The following TANC1 variants were observed in gnomAD, a reference collection of about 807,000 sequenced individuals.
The protein encoded by TANC1 is protein TANC1.
A neutral mutation model predicts 149.7 loss-of-function variants in TANC1; 77 were observed. The observed-to-expected ratio is 0.51, with a 90% CI of 0.43 to 0.62. TANC1 has a LOEUF of 0.62. TANC1 is among the 20% of genes least tolerant of loss of function. The probability of loss-of-function intolerance (pLI) is 0.00; values close to 1 mark genes in which losing one functional copy is unlikely to be tolerated. For synonymous variants in TANC1, 854 were observed against 925.0 expected (o/e 0.92, Z 1.39); for missense variants, 1,985 against 2,321.8 (o/e 0.85, Z 2.98).
intron 2 of TANC1, among the ~76,000 whole-genome samples, chr2:159,023,676 C>G (rs1006088915): frequency 1.2e-4 from 18 of 151,880 alleles, no homozygotes; most frequent in African/African-American, 4.1e-4. Context: ...TAGAAATTGT[C>G]AAAAATAAGG....
In TANC1 at chr2:159,065,951, A is replaced by AGG. The variant is rs1213327282; in HGVS notation, c.43_44dup (p.Gly16GlufsTer28). 6.2e-7 allele frequency: 1 copy of AGG among 1,613,848 alleles called. No individual in the cohort carries two copies. The highest frequency in any genetic ancestry group is 1.1e-5 in the South Asian group (1 of 91,080). On this transcript the variant is annotated frameshift_variant, in exon 3 of 27. Coordinates refer to ENST00000263635, the MANE Select transcript of TANC1 (RefSeq NM_033394.3). LOFTEE classifies it high-confidence loss of function. ...CTGAAGAAGAGCCGAGAGGGAGGAA[A>AGG]GGGAGGCAAGAAGGAAGCAGGTATG...
chr2:159,121,060 A>T (rs2048800392), intron 4 of TANC1, among the ~76,000 whole-genome samples: 1 of 152,224 alleles, frequency 6.6e-6, no homozygotes, highest in Admixed American at 6.5e-5. Context: ...TTATCAGTTT[A>T]CCACACCTTC....
chr2:159,033,088 A>G (rs1326644131), intron 2 of TANC1, among the ~76,000 whole-genome samples: 2 of 152,214 alleles, frequency 1.3e-5, no homozygotes, highest in African/African-American at 2.4e-5. Flanking sequence ...TGAGCCCTGC[A>G]AAAGGTTCAG....
intron 8 of TANC1, among the ~76,000 whole-genome samples, chr2:159,164,156 G>T (rs1156248370): frequency 1.3e-5 from 2 of 152,088 alleles, no homozygotes; most frequent in Non-Finnish European, 2.9e-5. Flanking sequence ...TCAGTAGTCA[G>T]ACTGGTCACC....
intron 2 of TANC1, among the ~76,000 whole-genome samples, chr2:159,006,138 A>T (rs2149350732): frequency 6.6e-6 from 1 of 152,078 alleles, no homozygotes; most frequent in South Asian, 2.1e-4. Flanking sequence ...CTCTACTGAA[A>T]ATACAAAAAT....
intron 1 of TANC1, among the ~76,000 whole-genome samples, chr2:158,992,474 G>C (rs746675838): frequency 2.6e-5 from 4 of 151,790 alleles, no homozygotes; most frequent in African/African-American, 9.7e-5. Flanking sequence ...TGTAGCTAAG[G>C]TATACATGTA....
chr2:158,971,211 G>A (rs948299464), intron 1 of TANC1, among the ~76,000 whole-genome samples: 8 of 152,028 alleles, frequency 5.3e-5, no homozygotes, highest in African/African-American at 1.9e-4. Context: ...TTATTTCTCT[G>A]GGAACATTAA....
intron 2 of TANC1, among the ~76,000 whole-genome samples, chr2:159,027,914 G>A (rs1338338155): frequency 5.9e-5 from 9 of 152,064 alleles, no homozygotes; most frequent in Admixed American, 1.3e-4. Context: ...AAGGTATCAC[G>A]CAGCGAGAGG....
At chr2:159,166,898 A>G (rs566918059) in intron 8 of TANC1, among the ~76,000 whole-genome samples, 1 of 152,328 alleles carries the variant, frequency 6.6e-6, no homozygotes, top group South Asian at 2.1e-4. Context: ...AGAATCAGCC[A>G]AGAGCTGTGG....
chr2:159,160,052 T>A (rs1167311181), intron 7 of TANC1, among the ~76,000 whole-genome samples: 2 of 152,158 alleles, frequency 1.3e-5, no homozygotes, highest in South Asian at 2.1e-4. Context: ...CAAAGGAAGA[T>A]AAGACACTGT....
At chr2:159,083,504 A>G (rs2149803665) in intron 3 of TANC1, among the ~76,000 whole-genome samples, 1 of 152,296 alleles carries the variant, frequency 6.6e-6, no homozygotes, top group South Asian at 2.1e-4. Flanking sequence ...TAACAAAGGA[A>G]GAGTATTTGA....
intron 3 of TANC1, among the ~76,000 whole-genome samples, chr2:159,087,081 T>C (rs1191142336): frequency 1.3e-5 from 2 of 152,038 alleles, no homozygotes; most frequent in African/African-American, 4.8e-5. Flanking sequence ...CATCAGTTAT[T>C]GCTTTAAGGG....
At chr2:158,979,636 G>C (rs1048700837) in intron 1 of TANC1, among the ~76,000 whole-genome samples, 1 of 152,120 alleles carries the variant, frequency 6.6e-6, no homozygotes, top group South Asian at 2.1e-4. Flanking sequence ...TTTTGTTGTT[G>C]TTGTTCTTGG....
In TANC1 at chr2:159,230,113, C is replaced by G; in HGVS notation, c.4687C>G (p.Pro1563Ala). The G allele has an allele frequency of 6.2e-7, 1 of 1,613,986 alleles. No individual in the cohort carries two copies. The highest frequency in any genetic ancestry group is 8.5e-7 in the Non-Finnish European group (1 of 1,180,044). Residue 1563 changes from proline (P) to alanine (A), a missense_variant, in exon 27 of 27, where the codon CCA becomes GCA. This residue lies in a region of TANC1 where 920 missense variants were observed against 994.7 expected (regional missense o/e 0.92). Coordinates refer to ENST00000263635, the MANE Select transcript of TANC1 (RefSeq NM_033394.3). This position sits in a 1 kb window ranked among gnomAD's most constrained non-coding sequence, Gnocchi z 4.4. ...TCAGATCTCTTCTCAGAACCCTCCTCCAAGTCCCATGCCAGGGAGAATCGC... is the reference window on the plus strand; with the variant it reads ...TCAGATCTCTTCTCAGAACCCTCCTGCAAGTCCCATGCCAGGGAGAATCGC... ...KVQISSQNPP[P>A]SPMPGRIAAT...
Position 159,163,499 on chromosome 2 carries a change from C to T in TANC1, c.899C>T (p.Ser300Phe). The T allele has an allele frequency of 6.2e-7, 1 of 1,613,422 alleles. No individual in the cohort carries two copies. Among genetic ancestry groups the T allele is most frequent in the East Asian group, 2.2e-5 (1 of 44,890 alleles). Residue 300 changes from serine (S) to phenylalanine (F), a missense_variant, in exon 8 of 27, where the codon TCT becomes TTT. Physicochemically the swap from Ser to Phe is radical, Grantham distance 155. Around this residue, in one of 3 missense-constraint regions of TANC1, gnomAD observed 557 missense variants for 612.9 expected, o/e 0.91. Transcript: ENST00000263635. ...GCTGGAGATGGTCCAGTCCCTTATT[C>T]TCAGGGCTCCAGCTCACTAATAATG... ...SSAGDGPVPYSQGSSSLIMPR... is the reference protein window; with the variant it reads ...SSAGDGPVPYFQGSSSLIMPR...
At chr2:159,114,275 TG>T (rs376194214) in intron 4 of TANC1, among the ~76,000 whole-genome samples, 16 of 152,286 alleles carry the variant, frequency 1.1e-4, no homozygotes, top group African/African-American at 3.9e-4. Flanking sequence ...TGTAAAGAGA[TG>T]CCTTGCAGGG....
At chr2:159,052,944 C>T (rs114114159) in intron 2 of TANC1, among the ~76,000 whole-genome samples, 1 of 152,138 alleles carries the variant, frequency 6.6e-6, no homozygotes, top group Non-Finnish European at 1.5e-5. Context: ...ATCTGTGTTT[C>T]AATATAATTA....
At chr2:158,996,130 T>C in intron 1 of TANC1, among the ~76,000 whole-genome samples, 1 of 152,238 alleles carries the variant, frequency 6.6e-6, no homozygotes, top group Admixed American at 6.5e-5. Flanking sequence ...GTGGGAGGAC[T>C]GTTTGAGCCC....
intron 5 of TANC1, chr2:159,148,891 C>A: frequency 3.1e-6 from 1 of 326,932 alleles, no homozygotes; most frequent in Non-Finnish European, 5.5e-6. Context: ...TTAGGAATTG[C>A]CGTCAGATAA....
Sources: gnomAD v4.1 joint callset for allele counts (sites outside exome capture counted in the v4.1 genomes callset) on GRCh38, gnomAD v4.1.1 for gene constraint, gnomAD v4.1.1 regional missense constraint, Gnocchi (gnomAD v3.1) non-coding constraint, MANE v1.5 for transcripts, NCBI Gene and HGNC (gene_info 2026-07-23, HGNC 2026-07-21) for gene names.